The following CCSER1 variants were observed in gnomAD, a reference collection of about 807,000 sequenced individuals.
CCSER1 encodes the protein serine-rich coiled-coil domain-containing protein 1.
Under a neutral mutation model 82.0 loss-of-function variants are expected in CCSER1, and 41 were observed. That is an observed-to-expected ratio of 0.50 (90% CI 0.39 to 0.65). CCSER1 has a LOEUF of 0.65. Among genes scored for constraint, CCSER1 ranks in the 30% least tolerant of loss-of-function variants. CCSER1 has a pLI of 0.00. For missense variants in CCSER1, 1,119 were observed against 1,064.2 expected, an observed-to-expected ratio of 1.05 and a Z score of -0.72; for synonymous variants, 414 against 383.9, an observed-to-expected ratio of 1.08 and a Z score of -0.92.
chr4:90,339,810 A>G (rs1215468733), intron 3 of CCSER1, among the ~76,000 whole-genome samples: 1 of 151,884 alleles, frequency 6.6e-6, no homozygotes, highest in Non-Finnish European at 1.5e-5. Flanking sequence ...AATAATATTT[A>G]TCACTATTTT....
chr4:90,247,342 G>A (rs892319085), intron 1 of CCSER1, among the ~76,000 whole-genome samples: 7 of 152,156 alleles, frequency 4.6e-5, no homozygotes, highest in African/African-American at 1.4e-4. Flanking sequence ...GGAACTTGTC[G>A]TAGTTGTTGA....
intron 10 of CCSER1, among the ~76,000 whole-genome samples, chr4:91,536,742 T>C (rs544021085): frequency 1.3e-5 from 2 of 152,242 alleles, no homozygotes; most frequent in South Asian, 2.1e-4. Flanking sequence ...CGCTCACTTC[T>C]CTTCAAAGAA....
At chr4:90,377,845 G>C (rs180788937) in intron 3 of CCSER1, among the ~76,000 whole-genome samples, 2 of 151,996 alleles carry the variant, frequency 1.3e-5, no homozygotes, top group Non-Finnish European at 2.9e-5. Flanking sequence ...ACTGTGGGTG[G>C]AAAATTTTCA....
intron 10 of CCSER1, among the ~76,000 whole-genome samples, chr4:91,384,873 G>A (rs915045306): frequency 3.3e-5 from 5 of 152,038 alleles, no homozygotes; most frequent in East Asian, 1.9e-4. Flanking sequence ...TGAGAAAAAC[G>A]GAAAAGCAAA....
intron 8 of CCSER1, among the ~76,000 whole-genome samples, chr4:90,901,108 C>A (rs1374330557): frequency 6.6e-6 from 1 of 151,842 alleles, no homozygotes; most frequent in Non-Finnish European, 1.5e-5. Context: ...AAAATAGCAA[C>A]CCCTGCTCTT....
At chr4:91,188,697 A>G (rs759748257) in intron 10 of CCSER1, among the ~76,000 whole-genome samples, 5 of 152,128 alleles carry the variant, frequency 3.3e-5, no homozygotes, top group African/African-American at 1.2e-4. Context: ...TTCTGGAAAT[A>G]CTCTAAAAAT....
intron 10 of CCSER1, among the ~76,000 whole-genome samples, chr4:91,463,818 G>T (rs1377021976): frequency 6.6e-6 from 1 of 152,136 alleles, no homozygotes; most frequent in Non-Finnish European, 1.5e-5. Flanking sequence ...AGAGTAAAAA[G>T]AAATGAACAA....
intron 5 of CCSER1, among the ~76,000 whole-genome samples, chr4:90,482,578 T>C (rs1349796264): frequency 6.6e-6 from 1 of 152,210 alleles, no homozygotes; most frequent in Non-Finnish European, 1.5e-5. Context: ...TGTGTCTTTG[T>C]TCTTGTTGGT....
chr4:91,349,187 G>A (rs1578239330), intron 10 of CCSER1, among the ~76,000 whole-genome samples: 1 of 151,928 alleles, frequency 6.6e-6, no homozygotes, highest in African/African-American at 2.4e-5. Context: ...GATTACAGGC[G>A]TGAGACACGG....
intron 5 of CCSER1, among the ~76,000 whole-genome samples, chr4:90,483,960 C>T (rs1766536821): frequency 6.6e-6 from 1 of 152,220 alleles, no homozygotes; most frequent in African/African-American, 2.4e-5. Context: ...TAATATCCTG[C>T]AGAGTGTTTT....
chr4:91,308,069 A>C (rs1219205652), intron 10 of CCSER1, among the ~76,000 whole-genome samples: 3 of 151,836 alleles, frequency 2.0e-5, no homozygotes, highest in Non-Finnish European at 4.4e-5. Flanking sequence ...TAATCATCCC[A>C]CCCCAAATCT....
chr4:90,315,361 G>T (rs1342859557), intron 3 of CCSER1, among the ~76,000 whole-genome samples: 1 of 152,152 alleles, frequency 6.6e-6, no homozygotes, highest in Non-Finnish European at 1.5e-5. Flanking sequence ...ATTTACAGAT[G>T]AAACTTACTG....
intron 7 of CCSER1, among the ~76,000 whole-genome samples, chr4:90,761,177 C>G (rs765048368): frequency 3.9e-5 from 6 of 152,018 alleles, no homozygotes; most frequent in Non-Finnish European, 8.8e-5. Flanking sequence ...TGGTTTGATT[C>G]TCTATTAGAC....
At chr4:90,523,513 A>G (rs1001443169) in intron 5 of CCSER1, among the ~76,000 whole-genome samples, 2 of 152,206 alleles carry the variant, frequency 1.3e-5, no homozygotes, top group Admixed American at 6.5e-5. Flanking sequence ...CCTGTACTAC[A>G]TAAGCACAAA....
At chr4:91,151,861 T>C (rs1388994832) in intron 10 of CCSER1, among the ~76,000 whole-genome samples, 1 of 152,212 alleles carries the variant, frequency 6.6e-6, no homozygotes, top group Non-Finnish European at 1.5e-5. Flanking sequence ...ATTTCTGTTC[T>C]TTTCCATTTG....
At chr4:90,327,302 A>G (rs1195232390) in intron 3 of CCSER1, among the ~76,000 whole-genome samples, 4 of 152,132 alleles carry the variant, frequency 2.6e-5, no homozygotes, top group Admixed American at 2.0e-4. Flanking sequence ...TTAGGGAAAT[A>G]CTTGTTTTCT....
intron 5 of CCSER1, among the ~76,000 whole-genome samples, chr4:90,471,393 C>CCA (rs2153590668): frequency 6.6e-6 from 1 of 152,058 alleles, no homozygotes; most frequent in Non-Finnish European, 1.5e-5. Context: ...TATGACCATG[C>CCA]CACTGCCTTA....
chr4:91,018,651 A>G (rs1165799291), intron 9 of CCSER1, among the ~76,000 whole-genome samples: 3 of 152,008 alleles, frequency 2.0e-5, no homozygotes, highest in Non-Finnish European at 4.4e-5. Context: ...TGACGCTTCT[A>G]GTATGCTAAG....
intron 10 of CCSER1, among the ~76,000 whole-genome samples, chr4:91,356,087 T>C (rs1225045572): frequency 6.6e-6 from 1 of 152,252 alleles, no homozygotes; most frequent in Non-Finnish European, 1.5e-5. Context: ...TATCTGTTTC[T>C]TGTGCTAACA....
Sources: allele counts gnomAD v4.1 joint callset (sites outside exome capture counted in the v4.1 genomes callset), GRCh38; gene constraint gnomAD v4.1.1; transcripts MANE v1.5; gene names NCBI Gene and HGNC (gene_info 2026-07-23, HGNC 2026-07-21).